Variants in TRDN observed in about 807,000 individuals in gnomAD.
The protein encoded by TRDN is triadin in skeletal muscle.
A neutral mutation model predicts 149.7 loss-of-function variants in TRDN; 161 were observed. That is an observed-to-expected ratio of 1.08 (90% CI 0.95 to 1.23). The LOEUF is 1.23. Ranked by LOEUF, TRDN falls within the 50% of genes most tolerant of loss-of-function variation. The pLI is 0.00. For synonymous variants in TRDN, 294 were observed against 250.5 expected (o/e 1.17, Z -1.64); for missense variants, 896 against 823.5 (o/e 1.09, Z -1.08).
intron 24 of TRDN, among the ~76,000 whole-genome samples, chr6:123,288,031 C>A (rs914398302): frequency 1.3e-5 from 2 of 151,042 alleles, no homozygotes; most frequent in African/African-American, 2.4e-5. Flanking sequence ...CCATTTATAC[C>A]CTATTATGCA....
At chr6:123,360,404 G>C (rs1780852342) in intron 20 of TRDN, among the ~76,000 whole-genome samples, 1 of 152,152 alleles carries the variant, frequency 6.6e-6, no homozygotes, top group Non-Finnish European at 1.5e-5. Flanking sequence ...AAAGAAGCCA[G>C]AAATAAAGGC....
chr6:123,511,088 T>A (rs1259710035), intron 7 of TRDN, among the ~76,000 whole-genome samples: 1 of 152,220 alleles, frequency 6.6e-6, no homozygotes, highest in Non-Finnish European at 1.5e-5. Context: ...CCCCAATGTT[T>A]TCTTCAAGTA....
At chr6:123,436,343 T>A (rs1376978727) in intron 12 of TRDN, among the ~76,000 whole-genome samples, 1 of 152,074 alleles carries the variant, frequency 6.6e-6, no homozygotes, top group Admixed American at 6.6e-5. Context: ...AACAATAGAC[T>A]ACAATAATAC....
chr6:123,301,750 TAC>T (rs1301622479), intron 24 of TRDN, among the ~76,000 whole-genome samples: 2 of 94,596 alleles, frequency 2.1e-5, no homozygotes, highest in South Asian at 6.4e-4. Context: ...TGTATATATA[TAC>T]ATATATATAT....
chr6:123,414,461 A>G (rs924513283), intron 12 of TRDN, among the ~76,000 whole-genome samples: 1 of 152,136 alleles, frequency 6.6e-6, no homozygotes, highest in African/African-American at 2.4e-5. Flanking sequence ...AGCAGTTGAC[A>G]TTGTCCTAGA....
intron 5 of TRDN, among the ~76,000 whole-genome samples, chr6:123,528,429 C>G (rs1174952532): frequency 6.6e-6 from 1 of 151,808 alleles, no homozygotes; most frequent in Non-Finnish European, 1.5e-5. Context: ...TAGCTTCCAC[C>G]ATAACGAATA....
At chr6:123,593,082 T>G (rs1267078986) in intron 1 of TRDN, among the ~76,000 whole-genome samples, 1 of 152,202 alleles carries the variant, frequency 6.6e-6, no homozygotes, top group Non-Finnish European at 1.5e-5. Context: ...TTTCAAATAC[T>G]CTACAAATCA....
chr6:123,389,677 G>A (rs1782035544), intron 13 of TRDN, among the ~76,000 whole-genome samples: 4 of 152,150 alleles, frequency 2.6e-5, no homozygotes, highest in South Asian at 2.1e-4. Context: ...TGTTATTGAC[G>A]TGCTATTACT....
At chr6:123,358,758 C>T (rs1780789188) in intron 20 of TRDN, among the ~76,000 whole-genome samples, 1 of 152,158 alleles carries the variant, frequency 6.6e-6, no homozygotes, top group Non-Finnish European at 1.5e-5. Context: ...ACTGGGATTA[C>T]AGGCGTGAGC....
At chr6:123,421,060 A>T (rs1773877994) in intron 12 of TRDN, among the ~76,000 whole-genome samples, 1 of 152,234 alleles carries the variant, frequency 6.6e-6, no homozygotes, top group African/African-American at 2.4e-5. Context: ...GAAACAGCAG[A>T]GATCACAAAA....
At chr6:123,352,210 A>T (rs2114297861) in intron 21 of TRDN, 1 of 984,962 alleles carries the variant, frequency 1.0e-6, no homozygotes, top group South Asian at 4.7e-5. Context: ...GGTGGTGTTA[A>T]AACCACAAAT....
At position 123,249,109 on chromosome 6, in the gene TRDN, A is replaced by G. The variant is rs76159883; in HGVS notation, c.1975+3303T>C. On this transcript the variant is annotated intron_variant, in intron 38 of 40. Transcript: ENST00000334268. ...ATACATCACATCAACAGATTGAAGG[A>G]CAACCCATTTGAAAAGTGGGCAAAT... is the stretch of plus-strand genomic sequence containing the variant. Among the ~76,000 whole-genome samples, 469 of 152,282 alleles carry G rather than the reference A, an allele frequency of 3.1e-3. 18 individuals are homozygous for G. The East Asian group carries it at 0.076, about 25-fold the overall frequency.
chr6:123,502,103 A>G, intron 8 of TRDN: 2 of 984,396 alleles, frequency 2.0e-6, no homozygotes, highest in Non-Finnish European at 2.4e-6. Flanking sequence ...TGTACTTTGT[A>G]GGTTTTCACT....
intron 12 of TRDN, among the ~76,000 whole-genome samples, chr6:123,413,697 T>C (rs1582988672): frequency 1.3e-5 from 2 of 152,252 alleles, no homozygotes; most frequent in South Asian, 4.1e-4. Context: ...AAAGGCATTC[T>C]TGAAGGTATT....
intron 1 of TRDN, among the ~76,000 whole-genome samples, chr6:123,604,437 T>A (rs560428164): frequency 6.6e-6 from 1 of 152,332 alleles, no homozygotes; most frequent in East Asian, 1.9e-4. Flanking sequence ...TTACAATGCC[T>A]GCGAGTGCTG....
At chr6:123,593,938 A>T in intron 1 of TRDN, among the ~76,000 whole-genome samples, 1 of 152,196 alleles carries the variant, frequency 6.6e-6, no homozygotes, top group East Asian at 1.9e-4. Context: ...TTTTGATTAA[A>T]TTGTAGAGGA....
intron 9 of TRDN, among the ~76,000 whole-genome samples, chr6:123,480,021 T>A (rs1452328149): frequency 6.6e-6 from 1 of 152,094 alleles, no homozygotes; most frequent in East Asian, 1.9e-4. Flanking sequence ...AGATATCTTT[T>A]TTCAATGTCA....
chr6:123,295,277 G>A (rs1196399212), intron 24 of TRDN, among the ~76,000 whole-genome samples: 1 of 152,134 alleles, frequency 6.6e-6, no homozygotes, highest in African/African-American at 2.4e-5. Flanking sequence ...TTAAAAGTGG[G>A]TATAAATATG....
At position 123,612,222 on chromosome 6, in the gene TRDN, C is replaced by T. The variant is rs930989456; in HGVS notation, c.22+24532G>A. ...CCAGCCTGGCCAACATGGTGAAACCCGGTCTCTACTAAAAATACAGAAAAA... is the reference window on the plus strand; with the variant it reads ...CCAGCCTGGCCAACATGGTGAAACCTGGTCTCTACTAAAAATACAGAAAAA... On this transcript the variant is annotated intron_variant, in intron 1 of 40. Transcript: ENST00000334268. Among the ~76,000 whole-genome samples the T allele has an allele frequency of 9.4e-5, 11 of 117,338 alleles. No individual in the cohort carries two copies. In the South Asian group the frequency reaches 1.1e-3, roughly 12 times the overall value. The allele number at this position is 117,338 out of a possible 152,430, so 77.0% of individuals were successfully genotyped here.
Sources: gnomAD v4.1 joint callset for allele counts (sites outside exome capture counted in the v4.1 genomes callset) on GRCh38, gnomAD v4.1.1 for gene constraint, MANE v1.5 for transcripts, NCBI Gene and HGNC (gene_info 2026-07-23, HGNC 2026-07-21) for gene names.